The following KCNV2 variants were observed in gnomAD, a reference collection of about 807,000 sequenced individuals.
KCNV2 encodes the protein potassium voltage-gated channel modifier subfamily V member 2.
Under a neutral mutation model 37.0 loss-of-function variants are expected in KCNV2, and 65 were observed. The observed-to-expected ratio is 1.76, with a 90% CI of 1.44 to 2.16. The LOEUF is 2.16. Ranked by LOEUF, KCNV2 falls within the 30% of genes most tolerant of loss-of-function variation. KCNV2 has a pLI of 0.00. For synonymous variants in KCNV2, 518 were observed against 328.6 expected, an observed-to-expected ratio of 1.58 and a Z score of -6.23; for missense variants, 1,232 against 766.7, an observed-to-expected ratio of 1.61 and a Z score of -7.17.
Position 2,718,053 on chromosome 9 carries a change from G to T in KCNV2, c.314G>T (p.Gly105Val), listed in dbSNP as rs762210764. Reference protein sequence around the residue: ...LLSTLNVNVGGHSYQLDYCEL... With the variant: ...LLSTLNVNVGVHSYQLDYCEL... ...TCCACGCTGAATGTGAACGTGGGTGGCCACAGCTACCAGCTGGACTACTGC... is the reference window on the plus strand; with the variant it reads ...TCCACGCTGAATGTGAACGTGGGTGTCCACAGCTACCAGCTGGACTACTGC... Residue 105 changes from glycine to valine, a missense_variant, in exon 1 of 2, where the codon GGC (glycine) becomes GTC (valine). Physicochemically the swap from Gly to Val is moderately radical, Grantham distance 109. Coordinates refer to ENST00000382082, the MANE Select transcript of KCNV2 (RefSeq NM_133497.4). 12 of 1,608,278 alleles carry T rather than the reference G, an allele frequency of 7.5e-6. No individual in the cohort carries two copies. The highest frequency in any genetic ancestry group is 9.3e-6 in the Non-Finnish European group (11 of 1,177,040).
Position 2,729,859 on chromosome 9 carries a change from A to T in KCNV2, c.*132A>T, listed in dbSNP as rs57771622. The T allele has an allele frequency of 3.1e-4, 282 of 921,938 alleles. 1 individual carries two copies. The African/African-American group carries it at 4.2e-3, about 14-fold the overall frequency. 57.1% of individuals were successfully genotyped at this position (921,938 alleles called of 1,614,324 possible). On this transcript the variant is annotated 3_prime_UTR_variant, in exon 2 of 2. Transcript: ENST00000382082. ...ACAAAGGCCATTTCGTTCACAAAGT[A>T]CTGCCTCTAGAAATACTCATTTTGG...
rs373342305 is a variant in KCNV2, at chr9:2,718,319, T to C, written c.580T>C (p.Tyr194His). 4.5e-5 allele frequency: 73 copies of C among 1,606,060 alleles called. No individual in the cohort carries two copies. The highest frequency in any genetic ancestry group is 5.9e-5 in the Non-Finnish European group (69 of 1,178,196). The change falls in exon 1 of 2, where the codon TAC becomes CAC. Residue 194 changes from tyrosine (Y) to histidine (H), a missense_variant. Transcript: ENST00000382082. ...GGGCTACTGGGGCGTGCGGCTCAAG[T>C]ACACGCCACGCTGCTGCCGCATCTG... ...ELGYWGVRLK[Y>H]TPRCCRICFE...
chr9:2,717,947 G>A lies in KCNV2; in HGVS notation c.208G>A (p.Asp70Asn), dbSNP rs1470002004. ...DGEEEDQWKDDLAEEDQQAGE... is the reference protein window; with the variant it reads ...DGEEEDQWKDNLAEEDQQAGE... ...CGAGGAGGAGGACCAGTGGAAGGAC[G>A]ACCTGGCAGAAGAGGACCAGCAGGC... Residue 70 changes from aspartate (D) to asparagine (N), a missense_variant, in exon 1 of 2, where the codon GAC (aspartate) becomes AAC (asparagine). By Grantham distance (23) the Asp-to-Asn change is conservative. Coordinates refer to ENST00000382082, the MANE Select transcript of KCNV2 (RefSeq NM_133497.4). 2 of 1,614,002 alleles carry A rather than the reference G, an allele frequency of 1.2e-6. No individual in the cohort carries two copies. Among genetic ancestry groups the A allele is most frequent in the Non-Finnish European group, 1.7e-6 (2 of 1,179,912 alleles).
Position 2,718,250 on chromosome 9 carries a change from C to T in KCNV2, c.511C>T (p.Leu171=). Residue 171 remains leucine (L), a synonymous_variant, in exon 1 of 2, where the codon CTG becomes TTG. Coordinates refer to ENST00000382082, the MANE Select transcript of KCNV2 (RefSeq NM_133497.4). ...VYNFYLSGVL[L]VLDGLCPRRF... ...CAATTTCTACCTGTCCGGGGTGCTG[C>T]TGGTGCTCGACGGGCTGTGTCCGCG... 1 of 1,613,186 alleles carries T rather than the reference C, an allele frequency of 6.2e-7. No homozygotes were observed. Among genetic ancestry groups the T allele is most frequent in the Non-Finnish European group, 8.5e-7 (1 of 1,179,948 alleles).
chr9:2,729,840 G>C lies in KCNV2; in HGVS notation c.*113G>C. On this transcript the variant is annotated 3_prime_UTR_variant, in exon 2 of 2. Coordinates refer to ENST00000382082, the MANE Select transcript of KCNV2 (RefSeq NM_133497.4). ...AAATGTGAAGCAGACATACACAAAGGCCATTTCGTTCACAAAGTACTGCCT... is the reference window on the plus strand; with the variant it reads ...AAATGTGAAGCAGACATACACAAAGCCCATTTCGTTCACAAAGTACTGCCT... The C allele has an allele frequency of 8.7e-7, 1 of 1,154,788 alleles. No homozygotes were observed. Among genetic ancestry groups the C allele is most frequent in the East Asian group, 2.4e-5 (1 of 41,666 alleles). The allele number at this position is 1,154,788 out of a possible 1,614,324, so 71.5% of individuals were successfully genotyped here. A position where few individuals can be genotyped will look rare whatever the true frequency, so the allele number is the denominator to read the frequency against.
intron 1 of KCNV2, among the ~76,000 whole-genome samples, chr9:2,723,997 C>T (rs1819928186): frequency 6.8e-6 from 1 of 147,192 alleles, no homozygotes. Context: ...CATATGACCA[C>T]ATTTTTTTTT....
chr9:2,728,909 A>AAGAGAG (rs370059688), intron 1 of KCNV2, among the ~76,000 whole-genome samples: 10 of 151,368 alleles, frequency 6.6e-5, no homozygotes, highest in African/African-American at 2.4e-4. Context: ...AAAAAAGAAA[A>AAGAGAG]AGAGAGAGAG....
rs112479446 is a variant in KCNV2, at chr9:2,729,544, C to T, written c.1455C>T (p.Asn485=). The T allele has an allele frequency of 4.4e-4, 708 of 1,614,096 alleles. No individual in the cohort carries two copies. Among genetic ancestry groups the T allele is most frequent in the African/African-American group, 1.1e-3 (83 of 75,026 alleles). ...GCATTGCTTTTGGGATCATTCTCAA[C>T]GGGATGCCCATTTCCATCCTCTACA... ...FLCIAFGIIL[N]GMPISILYNK... is the part of the protein sequence containing the mutation. Residue 485 remains asparagine, a synonymous_variant, in exon 2 of 2, where the codon AAC becomes AAT. Coordinates refer to ENST00000382082, the MANE Select transcript of KCNV2 (RefSeq NM_133497.4).
chr9:2,717,656 A>C lies in KCNV2; in HGVS notation c.-84A>C. The C allele has an allele frequency of 6.4e-7, 1 of 1,573,558 alleles. No homozygotes were observed. The highest frequency in any genetic ancestry group is 8.7e-7 in the Non-Finnish European group (1 of 1,145,376). ...TCTCTAAGACAGTGCAGGCCACGTG[A>C]TCCATCCTCCTAGAGGCAGTGAGCA... On this transcript the variant is annotated 5_prime_UTR_variant, in exon 1 of 2. It removes the in-frame stop codon of an upstream open reading frame in the 5' UTR. Coordinates refer to ENST00000382082, the MANE Select transcript of KCNV2 (RefSeq NM_133497.4).
At chr9:2,719,472 A>ATT (rs201368245) in intron 1 of KCNV2, among the ~76,000 whole-genome samples, 27 of 150,602 alleles carry the variant, frequency 1.8e-4, no homozygotes, top group Admixed American at 1.8e-3. Flanking sequence ...TATGACCACC[A>ATT]TTTTTTTTTA....
At chr9:2,729,298 T>G in intron 1 of KCNV2, 148 bp from the exon 2 acceptor site, 1 of 815,312 alleles carries the variant, frequency 1.2e-6, no homozygotes, top group Non-Finnish European at 2.1e-6. Flanking sequence ...GGAGTCTTCC[T>G]GGTACCTCCT....
intron 1 of KCNV2, among the ~76,000 whole-genome samples, chr9:2,727,353 C>G (rs1034888396): frequency 5.9e-5 from 9 of 152,030 alleles, no homozygotes; most frequent in African/African-American, 2.2e-4. Context: ...TTACTGGGTG[C>G]AGCACACCAA....
intron 1 of KCNV2, among the ~76,000 whole-genome samples, chr9:2,724,867 G>A (rs902055924): frequency 6.6e-6 from 1 of 152,182 alleles, no homozygotes; most frequent in African/African-American, 2.4e-5. Flanking sequence ...ATACAGAAGG[G>A]TGTCAGGCTT....
At chr9:2,721,767 T>C (rs947008337) in intron 1 of KCNV2, among the ~76,000 whole-genome samples, 3 of 152,070 alleles carry the variant, frequency 2.0e-5, no homozygotes, top group Non-Finnish European at 2.9e-5. Flanking sequence ...GATAACAAGA[T>C]TGAGAGTGAT....
chr9:2,721,466 G>T (rs1586689097), intron 1 of KCNV2, among the ~76,000 whole-genome samples: 1 of 152,198 alleles, frequency 6.6e-6, no homozygotes, highest in South Asian at 2.1e-4. Flanking sequence ...AAAGAGAAAA[G>T]AACACATTGA....
rs553384976 is a variant in KCNV2, at chr9:2,726,273, A to C, written c.1357-3173A>C. 3.3e-5 allele frequency among the ~76,000 whole-genome samples: 5 copies of C among 152,366 alleles called. No homozygotes were observed. The South Asian group carries it at 1.0e-3, about 32-fold the overall frequency. ...CAAGAAACAGATCACTTGTTGAGTCAAATTATTCACGAAATAGACAACATA... is the reference window on the plus strand; with the variant it reads ...CAAGAAACAGATCACTTGTTGAGTCCAATTATTCACGAAATAGACAACATA... On this transcript the variant is annotated intron_variant, in intron 1 of 1. Coordinates refer to ENST00000382082, the MANE Select transcript of KCNV2 (RefSeq NM_133497.4).
At position 2,718,528 on chromosome 9, in the gene KCNV2, G is replaced by T. The variant is rs1819789923; in HGVS notation, c.789G>T (p.Gly263=). ...PFSSVAAKAI[G]VASSTFVLVS... is the part of the protein sequence containing the mutation. ...CCTCGGTGGCCGCCAAGGCCATCGG[G>T]GTGGCCTCCAGCACCTTCGTGCTCG... Residue 263 remains glycine (G), a synonymous_variant, in exon 1 of 2, where the codon GGG becomes GGT. Coordinates refer to ENST00000382082, the MANE Select transcript of KCNV2 (RefSeq NM_133497.4). 5 of 1,611,234 alleles carry T rather than the reference G, an allele frequency of 3.1e-6. No individual in the cohort carries two copies. The highest frequency in any genetic ancestry group is 1.7e-5 in the Admixed American group (1 of 59,794).
Position 2,717,879 on chromosome 9 carries a change from C to G in KCNV2, c.140C>G (p.Thr47Arg), listed in dbSNP as rs367879192. 1 of 1,614,180 alleles carries G rather than the reference C, an allele frequency of 6.2e-7. No individual in the cohort carries two copies. Among genetic ancestry groups the G allele is most frequent in the South Asian group, 1.1e-5 (1 of 91,080 alleles). ...SGSQASIHGWTEGNYNYYIEE... is the reference protein window; with the variant it reads ...SGSQASIHGWREGNYNYYIEE... Reference sequence around the variant, plus strand: ...TCCCAGGCCAGCATCCACGGCTGGACAGAGGGCAACTATAACTACTACATC... The same window carrying G: ...TCCCAGGCCAGCATCCACGGCTGGAGAGAGGGCAACTATAACTACTACATC... The change falls in exon 1 of 2, where the codon ACA becomes AGA. Residue 47 changes from threonine (T) to arginine (R), a missense_variant. Transcript: ENST00000382082.
At chr9:2,726,380 A>C (rs375615123) in intron 1 of KCNV2, among the ~76,000 whole-genome samples, 2 of 152,176 alleles carry the variant, frequency 1.3e-5, no homozygotes, top group African/African-American at 4.8e-5. Context: ...TTCTCTAAAA[A>C]TAGAGATTGA....
Sources: gnomAD v4.1 joint callset for allele counts (sites outside exome capture counted in the v4.1 genomes callset) on GRCh38, gnomAD v4.1.1 for gene constraint, MANE v1.5 for transcripts, NCBI Gene and HGNC (gene_info 2026-07-23, HGNC 2026-07-21) for gene names.